Variants in OOSP1 observed in about 807,000 individuals in gnomAD.
OOSP1 encodes the protein oocyte secreted protein 1.
OOSP1 carries 11 observed loss-of-function variants against 5.7 expected under a neutral mutation model. That is an observed-to-expected ratio of 1.94 (90% CI 1.22 to 3.20). OOSP1 has a LOEUF of 3.20. Among genes scored for constraint, OOSP1 ranks in the 30% most tolerant of loss-of-function variants. OOSP1 has a pLI of 0.00. For synonymous variants in OOSP1, 44 were observed against 20.0 expected, an observed-to-expected ratio of 2.20 and a Z score of -3.20; for missense variants, 83 against 54.1, an observed-to-expected ratio of 1.53 and a Z score of -1.67.
intron 3 of OOSP1, among the ~76,000 whole-genome samples, chr11:59,947,282 C>A (rs1357008489): frequency 6.6e-6 from 1 of 151,748 alleles, no homozygotes; most frequent in Non-Finnish European, 1.5e-5. Context: ...GGTAGATATT[C>A]TTCTTCTTTT....
intron 3 of OOSP1, among the ~76,000 whole-genome samples, 181 bp from the exon 4 acceptor site, chr11:59,947,552 A>G (rs973036223): frequency 6.6e-6 from 1 of 152,146 alleles, no homozygotes; most frequent in Non-Finnish European, 1.5e-5. Flanking sequence ...TTTGCTTCTT[A>G]GCACCACAAA....
intron 4 of OOSP1, among the ~76,000 whole-genome samples, chr11:59,952,663 A>G (rs1853951845): frequency 6.6e-6 from 1 of 152,152 alleles, no homozygotes; most frequent in South Asian, 2.1e-4. Context: ...GGTGCTAGGA[A>G]TAAAACATGA....
chr11:59,940,441 G>A (rs907835866), intron 1 of OOSP1, among the ~76,000 whole-genome samples: 8 of 152,112 alleles, frequency 5.3e-5, no homozygotes, highest in Non-Finnish European at 8.8e-5. Flanking sequence ...ACAATTTTAC[G>A]TCAAATTTGT....
chr11:59,939,293 C>T (rs759111203), intron 1 of OOSP1, among the ~76,000 whole-genome samples: 14 of 151,022 alleles, frequency 9.3e-5, no homozygotes, highest in South Asian at 2.1e-4. Context: ...TCGCTGTCAC[C>T]GAGGCTGGAG....
intron 4 of OOSP1, among the ~76,000 whole-genome samples, chr11:59,956,687 G>A (rs1853996687): frequency 6.6e-6 from 1 of 152,038 alleles, no homozygotes; most frequent in Non-Finnish European, 1.5e-5. Flanking sequence ...TATATTTACA[G>A]TCTTTTATCC....
exon 2 of OOSP1, chr11:59,942,962 C>A: frequency 1.4e-6 from 1 of 702,854 alleles, no homozygotes; most frequent in Non-Finnish European, 2.6e-6. Context: ...GCCATGTAAC[C>A]CATGTTTTGC....
intron 4 of OOSP1, among the ~76,000 whole-genome samples, chr11:59,954,018 C>G (rs953951434): frequency 1.3e-5 from 2 of 152,178 alleles, no homozygotes; most frequent in Non-Finnish European, 2.9e-5. Context: ...CATTTTACAC[C>G]TAGGCTATAT....
chr11:59,938,963 T>A (rs1213988838), intron 1 of OOSP1, among the ~76,000 whole-genome samples: 1 of 152,154 alleles, frequency 6.6e-6, no homozygotes, highest in Non-Finnish European at 1.5e-5. Context: ...ATCCTTTTCA[T>A]TTCAGAGGGA....
At chr11:59,957,297 G>A (rs1854002267) in exon 5 of OOSP1, 1 of 397,648 alleles carries the variant, frequency 2.5e-6, no homozygotes. Context: ...TGAGCGAGAT[G>A]ATAGATCTTC....
intron 3 of OOSP1, among the ~76,000 whole-genome samples, chr11:59,945,777 A>G (rs1162641925): frequency 6.9e-6 from 1 of 144,522 alleles, no homozygotes; most frequent in Non-Finnish European, 1.5e-5. Flanking sequence ...AAAAAAAAAA[A>G]TGTCAGAGAC....
intron 1 of OOSP1, 53 bp from the exon 2 acceptor site, chr11:59,942,794 G>T (rs185426034): frequency 4.3e-5 from 28 of 655,950 alleles, no homozygotes; most frequent in Non-Finnish European, 6.9e-5. Context: ...AAATTTTTTT[G>T]AGCTGATCTA....
chr11:59,946,358 T>C (rs989599022), intron 3 of OOSP1, among the ~76,000 whole-genome samples: 3 of 152,202 alleles, frequency 2.0e-5, no homozygotes, highest in Admixed American at 1.3e-4. Flanking sequence ...GCCAAAACGT[T>C]TGGGGACTGC....
chr11:59,947,510 A>G (rs1853898689), intron 3 of OOSP1, among the ~76,000 whole-genome samples: 1 of 152,178 alleles, frequency 6.6e-6, no homozygotes, highest in Non-Finnish European at 1.5e-5. Context: ...GGTGGAATCA[A>G]GAAGTGAACC....
At chr11:59,955,471 C>T (rs1205263484) in intron 4 of OOSP1, among the ~76,000 whole-genome samples, 1 of 151,626 alleles carries the variant, frequency 6.6e-6, no homozygotes, top group African/African-American at 2.4e-5. Context: ...AAGAATAAGC[C>T]CAATTATACA....
chr11:59,947,288 CTTTT>C (rs373576276), intron 3 of OOSP1, among the ~76,000 whole-genome samples: 71 of 151,020 alleles, frequency 4.7e-4, no homozygotes, highest in Non-Finnish European at 9.2e-4. Context: ...TATTCTTCTT[CTTTT>C]TTTTTGATTT....
intron 4 of OOSP1, among the ~76,000 whole-genome samples, chr11:59,949,484 A>C (rs2134571149): frequency 6.6e-6 from 1 of 152,090 alleles, no homozygotes; most frequent in African/African-American, 2.4e-5. Flanking sequence ...TAAAACTTAA[A>C]GTATAATAAT....
chr11:59,955,064 A>G (rs1357555474), intron 4 of OOSP1, among the ~76,000 whole-genome samples: 2 of 151,910 alleles, frequency 1.3e-5, no homozygotes, highest in Non-Finnish European at 2.9e-5. Flanking sequence ...TTATTTACCT[A>G]TTTTTTCCTA....
At position 59,954,160 on chromosome 11, in the gene OOSP1, C is replaced by T. The variant is rs116127217; in HGVS notation, c.487-3035C>T. Among the ~76,000 whole-genome samples, 1,208 of 152,166 alleles carry T rather than the reference C, an allele frequency of 7.9e-3. 24 individuals are homozygous for T. The highest frequency in any genetic ancestry group is 0.027 in the African/African-American group (1,107 of 41,524). On this transcript the variant is annotated intron_variant, in intron 4 of 4. Transcript: ENST00000646685. ...ACATAGAAAAGATAAACAGGGTACA[C>T]GTGTATAGAGAAGCTCCATTATAAT...
chr11:59,946,095 G>C (rs955107482), intron 3 of OOSP1, among the ~76,000 whole-genome samples: 5 of 152,164 alleles, frequency 3.3e-5, no homozygotes, highest in African/African-American at 1.2e-4. Context: ...TGCCTGTCAG[G>C]AACCTGGCAG....
Sources: gnomAD v4.1 joint callset for allele counts (sites outside exome capture counted in the v4.1 genomes callset) on GRCh38, gnomAD v4.1.1 for gene constraint, MANE v1.5 for transcripts, NCBI Gene and HGNC (gene_info 2026-07-23, HGNC 2026-07-21) for gene names.